Variants in UNK observed in about 807,000 individuals in gnomAD.
The protein encoded by UNK is RING finger protein unkempt homolog.
A neutral mutation model predicts 97.6 loss-of-function variants in UNK; 32 were observed. That is an observed-to-expected ratio of 0.33 (90% CI 0.25 to 0.44). The LOEUF (loss-of-function observed/expected upper bound fraction) is 0.44, where lower values mean the gene tolerates loss of function less well. Ranked by LOEUF, UNK falls within the 20% of genes least tolerant of loss-of-function variation. UNK has a pLI of 1.00. For missense variants in UNK, 771 were observed against 1,098.4 expected (o/e 0.70, Z 4.21); for synonymous variants, 441 against 461.2 (o/e 0.96, Z 0.56).
chr17:75,809,746 G>A lies in UNK; in HGVS notation c.105-14G>A. On this transcript the variant is annotated splice_polypyrimidine_tract_variant and intron_variant, in intron 1 of 15. Transcript: ENST00000589666. ...TCTGCTCCCGGCCTGCCCCACGCGG[G>A]GCTCTCTCTGCAGGTACCTGAAAGA... The A allele has an allele frequency of 6.3e-7, 1 of 1,592,878 alleles. No homozygotes were observed. Among genetic ancestry groups the A allele is most frequent in the Non-Finnish European group, 8.5e-7 (1 of 1,170,350 alleles).
intron 1 of UNK, among the ~76,000 whole-genome samples, chr17:75,805,918 C>A (rs1201559332): frequency 6.6e-6 from 1 of 151,598 alleles, no homozygotes; most frequent in Non-Finnish European, 1.5e-5. Context: ...TGAAAGGGAT[C>A]CCCCAACTTT....
rs560394177 is a variant in UNK, at chr17:75,815,474, G to C, written c.961+221G>C. Among the ~76,000 whole-genome samples, 140 of 152,332 alleles carry C rather than the reference G, an allele frequency of 9.2e-4. 1 individual carries two copies. The South Asian group carries it at 0.016, about 17-fold the overall frequency. On this transcript the variant is annotated intron_variant, in intron 7 of 15. Coordinates refer to ENST00000589666, the MANE Select transcript of UNK (RefSeq NM_001080419.3). Reference sequence around the variant, plus strand: ...CCAAAGTAGTGAGATAGAGACTGCAGGGATTGTCCGCCTGGTTGAGCACTC... The same window carrying C: ...CCAAAGTAGTGAGATAGAGACTGCACGGATTGTCCGCCTGGTTGAGCACTC...
chr17:75,821,334 C>CA, intron 13 of UNK: 1 of 455,764 alleles, frequency 2.2e-6, no homozygotes, highest in Non-Finnish European at 4.4e-6. Context: ...TGCTGTCCAG[C>CA]AGCTGTGGCC....
chr17:75,789,967 C>T (rs941699640), intron 1 of UNK, among the ~76,000 whole-genome samples: 1 of 140,750 alleles, frequency 7.1e-6, no homozygotes, highest in Non-Finnish European at 1.6e-5. Flanking sequence ...GTGGTAAAAC[C>T]CCCGTCTCTA....
chr17:75,818,012 C>T lies in UNK; in HGVS notation c.1306-91C>T. 7.7e-7 allele frequency: 1 copy of T among 1,307,182 alleles called. No homozygotes were observed. Among genetic ancestry groups the T allele is most frequent in the Non-Finnish European group, 1.1e-6 (1 of 911,870 alleles). 81.0% of individuals were successfully genotyped at this position (1,307,182 alleles called of 1,614,324 possible). ...AAGAGGGGTTGCATGTCTGCCACCA[C>T]CTGCCCCCTGGTACCTGCAGCCTCA... On this transcript the variant is annotated intron_variant, in intron 9 of 15. Coordinates refer to ENST00000589666, the MANE Select transcript of UNK (RefSeq NM_001080419.3). The surrounding 1 kb of genome is among the most constrained non-coding windows in gnomAD (Gnocchi z 5.1).
chr17:75,798,002 A>C (rs1231037746), intron 1 of UNK, among the ~76,000 whole-genome samples: 2 of 152,078 alleles, frequency 1.3e-5, no homozygotes, highest in Non-Finnish European at 2.9e-5. Flanking sequence ...GATTATAAAC[A>C]AACAAAACAT....
At position 75,818,678 on chromosome 17, in the gene UNK, A is replaced by G. The variant is rs1405375080; in HGVS notation, c.1408A>G (p.Thr470Ala). 1.9e-6 allele frequency: 3 copies of G among 1,608,764 alleles called. No homozygotes were observed. The highest frequency in any genetic ancestry group is 2.2e-5 in the East Asian group (1 of 44,694). The change falls in exon 11 of 16, where the codon ACC becomes GCC. Residue 470 changes from threonine (T) to alanine (A), a missense_variant. Thr to Ala is a moderately conservative substitution (Grantham distance 58). This residue lies in a region of UNK where 192 missense variants were observed against 202.4 expected (regional missense o/e 0.95). Coordinates refer to ENST00000589666, the MANE Select transcript of UNK (RefSeq NM_001080419.3). The surrounding 1 kb of genome is among the most constrained non-coding windows in gnomAD (Gnocchi z 5.1). ...CATCCTCCCCGCAGGCAGCCCCCTG[A>G]CCTCAAGCATCTCTTCTAGTATCAC... ...LGILPAGSPL[T>A]SSISSSITSS... is the part of the protein sequence containing the mutation.
intron 3 of UNK, 73 bp from the exon 4 acceptor site, chr17:75,812,382 G>A: frequency 6.3e-7 from 1 of 1,583,328 alleles, no homozygotes; most frequent in South Asian, 1.1e-5. Flanking sequence ...AGACTGCAGT[G>A]GAGGGCTGGC....
intron 13 of UNK, among the ~76,000 whole-genome samples, chr17:75,820,679 C>T (rs140479219): frequency 6.6e-6 from 1 of 152,302 alleles, no homozygotes; most frequent in East Asian, 1.9e-4. Flanking sequence ...GGTTTAGTGG[C>T]TAGAAGAATG....
chr17:75,815,664 T>C (rs899769049), intron 7 of UNK, among the ~76,000 whole-genome samples: 5 of 152,318 alleles, frequency 3.3e-5, no homozygotes, highest in African/African-American at 1.2e-4. Context: ...AGTCAGAATA[T>C]AGTGCAATCC....
chr17:75,802,933 T>C (rs1186211416), intron 1 of UNK, among the ~76,000 whole-genome samples: 1 of 142,994 alleles, frequency 7.0e-6, no homozygotes, highest in East Asian at 2.1e-4. Context: ...GAGACCACCC[T>C]GGCCAACATG....
intron 1 of UNK, among the ~76,000 whole-genome samples, chr17:75,798,518 G>T (rs973483414): frequency 6.6e-6 from 1 of 151,610 alleles, no homozygotes; most frequent in African/African-American, 2.4e-5. Context: ...GTTAATTTTT[G>T]TATTTTTAGT....
chr17:75,803,784 T>C (rs2061885507), intron 1 of UNK, among the ~76,000 whole-genome samples: 1 of 152,232 alleles, frequency 6.6e-6, no homozygotes, highest in Admixed American at 6.5e-5. Flanking sequence ...AGTGGTAGTT[T>C]TCTTTCAACT....
In UNK at chr17:75,785,003, C is replaced by A. The variant is rs773719382; in HGVS notation, c.104+19C>A. Reference sequence around the variant, plus strand: ...ACTACACGTACGTAGAGCCCCCCCCCCCCCGCCGCGCGCGCACGCCTGACG... The same window carrying A: ...ACTACACGTACGTAGAGCCCCCCCCACCCCGCCGCGCGCGCACGCCTGACG... On this transcript the variant is annotated intron_variant, in intron 1 of 15. Coordinates refer to ENST00000589666, the MANE Select transcript of UNK (RefSeq NM_001080419.3). The A allele has an allele frequency of 3.8e-5, 54 of 1,403,234 alleles. 1 individual carries two copies. The highest frequency in any genetic ancestry group is 6.6e-5 in the Admixed American group (2 of 30,286). 86.9% of individuals were successfully genotyped at this position (1,403,234 alleles called of 1,614,324 possible).
At chr17:75,801,274 A>C (rs2061855253) in intron 1 of UNK, among the ~76,000 whole-genome samples, 1 of 152,164 alleles carries the variant, frequency 6.6e-6, no homozygotes, top group Non-Finnish European at 1.5e-5. Flanking sequence ...AGGAAGAGAA[A>C]AATGCACTTC....
chr17:75,799,938 G>A (rs550558041), intron 1 of UNK, among the ~76,000 whole-genome samples: 2 of 152,250 alleles, frequency 1.3e-5, no homozygotes, highest in South Asian at 4.1e-4. Context: ...AGGCAATACA[G>A]CGAGCCCCCT....
intron 1 of UNK, chr17:75,792,522 T>G (rs2061771324): frequency 1.0e-6 from 1 of 977,052 alleles, no homozygotes; most frequent in African/African-American, 1.8e-5. Flanking sequence ...AAAATTACAT[T>G]AGCCTAATTG....
intron 1 of UNK, among the ~76,000 whole-genome samples, chr17:75,807,306 G>C (rs2061927495): frequency 6.6e-6 from 1 of 152,216 alleles, no homozygotes; most frequent in Non-Finnish European, 1.5e-5. Flanking sequence ...AGGATTGCCT[G>C]AGGCTGAGAG....
intron 1 of UNK, among the ~76,000 whole-genome samples, chr17:75,794,893 G>A (rs28578956): frequency 0.5 from 75,993 of 152,192 alleles, 23,244 homozygotes; most frequent in Admixed American, 0.65. Context: ...TTAGCACAGC[G>A]TAGGTACTGT....
Sources: gnomAD v4.1 joint callset for allele counts (sites outside exome capture counted in the v4.1 genomes callset) on GRCh38, gnomAD v4.1.1 for gene constraint, gnomAD v4.1.1 regional missense constraint, Gnocchi (gnomAD v3.1) non-coding constraint, MANE v1.5 for transcripts, NCBI Gene and HGNC (gene_info 2026-07-23, HGNC 2026-07-21) for gene names.